The following CUEDC1 variants were observed in gnomAD, a reference collection of about 807,000 sequenced individuals.
CUEDC1 encodes CUE domain containing 1, also known as CUE domain-containing protein 1.
Under a neutral mutation model 43.7 loss-of-function variants are expected in CUEDC1, and 30 were observed. The observed-to-expected ratio is 0.69, with a 90% CI of 0.51 to 0.93. The LOEUF is 0.93. Ranked by LOEUF, CUEDC1 falls within the 40% of genes least tolerant of loss-of-function variation. The pLI, the probability that CUEDC1 is intolerant of heterozygous loss-of-function variation, is 0.00. For missense variants in CUEDC1, 486 were observed against 549.0 expected (o/e 0.89, Z 1.15); for synonymous variants, 223 against 223.6 (o/e 1.00, Z 0.02).
chr17:57,899,953 T>C (rs918948304), intron 1 of CUEDC1, among the ~76,000 whole-genome samples: 2 of 150,056 alleles, frequency 1.3e-5, no homozygotes, highest in African/African-American at 2.5e-5. Context: ...TCTTCCCCCA[T>C]CTGCACCCAG....
At chr17:57,868,340 C>T (rs2073989572) in intron 7 of CUEDC1, 97 bp from the exon 8 acceptor site, 2 of 1,078,094 alleles carry the variant, frequency 1.9e-6, no homozygotes, top group Non-Finnish European at 2.9e-6. Flanking sequence ...GACCAAGGCC[C>T]CCCGGAGAGG....
intron 2 of CUEDC1, among the ~76,000 whole-genome samples, chr17:57,884,383 A>G (rs900336866): frequency 2.0e-5 from 3 of 151,578 alleles, no homozygotes; most frequent in Non-Finnish European, 4.4e-5. Flanking sequence ...TTTTTAGTAG[A>G]GATGGGGTTT....
intron 3 of CUEDC1, among the ~76,000 whole-genome samples, chr17:57,878,613 G>A (rs1045624856): frequency 1.3e-5 from 2 of 151,912 alleles, no homozygotes; most frequent in South Asian, 2.1e-4. Flanking sequence ...CAAGCACCCC[G>A]GAGACCCATG....
At chr17:57,866,813 G>A (rs2073965731) in intron 9 of CUEDC1, 1 of 482,968 alleles carries the variant, frequency 2.1e-6, no homozygotes, top group Admixed American at 3.5e-5. Flanking sequence ...TATAAAATGG[G>A]ATGGAAAAGC....
chr17:57,940,338 A>C (rs1357687130), intron 1 of CUEDC1, among the ~76,000 whole-genome samples: 1 of 152,068 alleles, frequency 6.6e-6, no homozygotes, highest in Non-Finnish European at 1.5e-5. Context: ...AGAAATTCAA[A>C]ATCCTCTCCT....
intron 1 of CUEDC1, among the ~76,000 whole-genome samples, chr17:57,909,770 C>G: frequency 6.6e-6 from 1 of 152,232 alleles, no homozygotes; most frequent in East Asian, 1.9e-4. Context: ...CCCCTGTTCC[C>G]TGTCCTGAGT....
At chr17:57,879,795 C>T (rs1383665721) in intron 2 of CUEDC1, 57 bp from the exon 3 acceptor site, 1 of 1,536,760 alleles carries the variant, frequency 6.5e-7, no homozygotes. Flanking sequence ...AATTTAAATA[C>T]CATTCAGACA....
At chr17:57,900,975 A>G (rs2074465365) in intron 1 of CUEDC1, among the ~76,000 whole-genome samples, 1 of 152,184 alleles carries the variant, frequency 6.6e-6, no homozygotes, top group Admixed American at 6.5e-5. Flanking sequence ...GGTGTTTGCT[A>G]AGAACCCATA....
At position 57,908,936 on chromosome 17, in the gene CUEDC1, G is replaced by T. The variant is rs184611077; in HGVS notation, c.-315-23057C>A. Among the ~76,000 whole-genome samples the T allele has an allele frequency of 9.9e-4, 150 of 152,194 alleles. 2 individuals carry two copies. The highest frequency in any genetic ancestry group is 3.4e-3 in the African/African-American group (140 of 41,520). On this transcript the variant is annotated intron_variant, in intron 1 of 10. Transcript: ENST00000577830. ...CGCTTGAACCCAGGAGGCAGAGGTT[G>T]CAGTGAGCCAAGATCGCGCTACTGC...
At position 57,907,571 on chromosome 17, in the gene CUEDC1, C is replaced by T. The variant is rs577460029; in HGVS notation, c.-315-21692G>A. ...GTTCAAAAGTACATACTGGGCCAGG[C>T]GCAGTGGCTCATGCCTGCAATCCCA... On this transcript the variant is annotated intron_variant, in intron 1 of 10. Transcript: ENST00000577830. Among the ~76,000 whole-genome samples the T allele has an allele frequency of 3.3e-5, 5 of 152,172 alleles. No individual in the cohort carries two copies. The East Asian group carries it at 7.7e-4, about 24-fold the overall frequency.
At chr17:57,892,200 T>TTTGCGTTTTTAGG (rs2074362496) in intron 1 of CUEDC1, among the ~76,000 whole-genome samples, 1 of 152,158 alleles carries the variant, frequency 6.6e-6, no homozygotes, top group African/African-American at 2.4e-5. Context: ...AGAAGATATA[T>TTTGCGTTTTTAGG]AAGGGAATGC....
intron 4 of CUEDC1, among the ~76,000 whole-genome samples, chr17:57,873,326 C>T (rs957374714): frequency 6.6e-6 from 1 of 152,170 alleles, no homozygotes; most frequent in Non-Finnish European, 1.5e-5. Context: ...CACCCCATGC[C>T]CGCCTCTCTC....
intron 1 of CUEDC1, among the ~76,000 whole-genome samples, chr17:57,896,978 C>T (rs1368183343): frequency 2.0e-5 from 3 of 151,934 alleles, no homozygotes; most frequent in African/African-American, 7.3e-5. Flanking sequence ...ACCATGTTGG[C>T]CAGGCTGGTC....
At chr17:57,896,216 C>T (rs1381428369) in intron 1 of CUEDC1, among the ~76,000 whole-genome samples, 2 of 152,160 alleles carry the variant, frequency 1.3e-5, no homozygotes, top group Non-Finnish European at 2.9e-5. Flanking sequence ...AATTTACCTA[C>T]AGATGATATG....
In CUEDC1 at chr17:57,895,520, T is replaced by A. The variant is rs73314234; in HGVS notation, c.-315-9641A>T. Among the ~76,000 whole-genome samples the A allele has an allele frequency of 6.5e-3, 996 of 152,308 alleles. 10 individuals carry two copies. The highest frequency in any genetic ancestry group is 0.023 in the African/African-American group (953 of 41,562). ...TCACAAAACCTTTTTCCCATCCTACTGAAGTTGTCAAGTTGCCTGAGCAAC... is the reference window on the plus strand; with the variant it reads ...TCACAAAACCTTTTTCCCATCCTACAGAAGTTGTCAAGTTGCCTGAGCAAC... On this transcript the variant is annotated intron_variant, in intron 1 of 10. Coordinates refer to ENST00000577830, the MANE Select transcript of CUEDC1 (RefSeq NM_001271875.2).
At chr17:57,903,168 A>G (rs902644234) in intron 1 of CUEDC1, 2 of 152,344 alleles carry the variant, frequency 1.3e-5, no homozygotes, top group African/African-American at 2.4e-5. Flanking sequence ...GTAAAAAACC[A>G]AGGGGGCACC....
intron 1 of CUEDC1, among the ~76,000 whole-genome samples, chr17:57,900,686 C>G (rs778005407): frequency 2.0e-5 from 3 of 152,182 alleles, no homozygotes; most frequent in Non-Finnish European, 4.4e-5. Flanking sequence ...CGTGTGTGAC[C>G]TAGAGGTTGT....
chr17:57,905,265 C>CACACACACACAT (rs2074518268), intron 1 of CUEDC1, among the ~76,000 whole-genome samples: 1 of 147,788 alleles, frequency 6.8e-6, no homozygotes, highest in Non-Finnish European at 1.5e-5. Context: ...CACACACACA[C>CACACACACACAT]ACACACACAC....
At chr17:57,953,157 C>T (rs2075024127) in intron 1 of CUEDC1, among the ~76,000 whole-genome samples, 1 of 152,188 alleles carries the variant, frequency 6.6e-6, no homozygotes, top group African/African-American at 2.4e-5. Context: ...CCCATTTCCC[C>T]AAGAACAAGC....
Sources: gnomAD v4.1 joint callset for allele counts (sites outside exome capture counted in the v4.1 genomes callset) on GRCh38, gnomAD v4.1.1 for gene constraint, MANE v1.5 for transcripts, NCBI Gene and HGNC (gene_info 2026-07-23, HGNC 2026-07-21) for gene names.